The following ATRX variants were observed in gnomAD, a reference collection of about 807,000 sequenced individuals.
The protein encoded by ATRX is ATRX chromatin remodeler.
In ATRX, 12 loss-of-function variants were observed where a neutral mutation model predicts 172.6. The ratio of observed to expected loss-of-function variants is 0.07; its 90% confidence interval spans 0.04 to 0.11. The LOEUF (loss-of-function observed/expected upper bound fraction) is 0.11, where lower values mean the gene tolerates loss of function less well. Among genes scored for constraint, ATRX ranks in the 10% least tolerant of loss-of-function variants. The probability of loss-of-function intolerance (pLI) is 1.00; values close to 1 mark genes in which losing one functional copy is unlikely to be tolerated. For synonymous variants in ATRX, 674 were observed against 594.7 expected (o/e 1.13, Z -1.94); for missense variants, 1,368 against 1,767.4 (o/e 0.77, Z 4.05).
chrX:77,662,373 T>A (rs1557123170), intron 12 of ATRX, among the ~76,000 whole-genome samples: 1 of 112,165 alleles, frequency 8.9e-6, no homozygotes, highest in Non-Finnish European at 1.9e-5. Context: ...TCTGACTATA[T>A]GCCAGTCAAG....
intron 26 of ATRX, among the ~76,000 whole-genome samples, chrX:77,593,439 C>T (rs919755114): frequency 9.1e-6 from 1 of 110,367 alleles, no homozygotes; most frequent in Non-Finnish European, 1.9e-5. Flanking sequence ...CAACTAAGAG[C>T]TCTACCCAAG....
intron 19 of ATRX, among the ~76,000 whole-genome samples, chrX:77,632,307 C>T (rs2068147119): frequency 9.0e-6 from 1 of 110,586 alleles, no homozygotes; most frequent in Non-Finnish European, 1.9e-5. Flanking sequence ...TTGTATTAAA[C>T]AGTTTCAAGG....
chrX:77,593,216 C>G (rs1284134332), intron 26 of ATRX, among the ~76,000 whole-genome samples: 1 of 101,843 alleles, frequency 9.8e-6, no homozygotes, highest in Non-Finnish European at 2.0e-5. Flanking sequence ...AGAGCAAGAC[C>G]CTGTCTCATA....
At chrX:77,543,270 C>T (rs1237169081) in intron 30 of ATRX, among the ~76,000 whole-genome samples, 1 of 111,891 alleles carries the variant, frequency 8.9e-6, no homozygotes, top group Admixed American at 9.5e-5. Flanking sequence ...CCATCTCATG[C>T]CAGTTAGAAT....
intron 22 of ATRX, among the ~76,000 whole-genome samples, chrX:77,612,361 T>C (rs1557094519): frequency 9.1e-6 from 1 of 109,412 alleles, no homozygotes; most frequent in African/African-American, 3.3e-5. Flanking sequence ...AAATTTACTG[T>C]TTTAAATGAG....
intron 1 of ATRX, among the ~76,000 whole-genome samples, chrX:77,780,028 GA>G (rs2076514797): frequency 8.9e-6 from 1 of 111,936 alleles, no homozygotes; most frequent in Non-Finnish European, 1.9e-5. Context: ...TAAAAGGGCA[GA>G]AATATACTGG....
At chrX:77,588,912 C>A (rs1198195547) in intron 27 of ATRX, among the ~76,000 whole-genome samples, 1 of 111,627 alleles carries the variant, frequency 9.0e-6, no homozygotes, top group Non-Finnish European at 1.9e-5. Flanking sequence ...AAATTAAAAT[C>A]ATAAGATACC....
chrX:77,508,059 A>G lies in ATRX; in HGVS notation c.*292T>C. On this transcript the variant is annotated 3_prime_UTR_variant, in exon 35 of 35. Transcript: ENST00000373344. ...TAAAAGCAGGCATAAAAATTTAGAG[A>G]GGAAATCTGTGGAGTTGTTACTATT... 1 of 231,654 alleles carries G rather than the reference A, an allele frequency of 4.3e-6. No homozygotes were observed. Among genetic ancestry groups the G allele is most frequent in the Non-Finnish European group, 7.8e-6 (1 of 128,937 alleles). The allele number at this position is 231,654 out of a possible 1,213,427, so 19.1% of individuals were successfully genotyped here.
intron 1 of ATRX, among the ~76,000 whole-genome samples, chrX:77,721,670 G>C (rs1429409781): frequency 2.7e-5 from 3 of 111,725 alleles, no homozygotes; most frequent in African/African-American, 9.8e-5. Flanking sequence ...GGAAATAAGA[G>C]AGGACTCAAA....
intron 1 of ATRX, among the ~76,000 whole-genome samples, chrX:77,757,575 C>T (rs1053128466): frequency 7.1e-5 from 8 of 112,024 alleles, no homozygotes; most frequent in Non-Finnish European, 1.3e-4. Context: ...AAAAACTCCT[C>T]TAACGCTGGA....
intron 1 of ATRX, among the ~76,000 whole-genome samples, chrX:77,723,684 G>T (rs182679672): frequency 1.8e-5 from 2 of 111,452 alleles, no homozygotes; most frequent in East Asian, 5.6e-4. Flanking sequence ...CTGAGGAAAT[G>T]ATGCTACATG....
intron 1 of ATRX, among the ~76,000 whole-genome samples, chrX:77,747,173 T>G (rs1173260532): frequency 8.9e-6 from 1 of 111,748 alleles, no homozygotes; most frequent in African/African-American, 3.2e-5. Flanking sequence ...AATTCACAAG[T>G]ATCTCTTGCC....
chrX:77,556,858 T>C (rs782775204), intron 30 of ATRX, among the ~76,000 whole-genome samples: 11 of 112,202 alleles, frequency 9.8e-5, no homozygotes, highest in Admixed American at 2.8e-4. Context: ...GTTGGTCAGA[T>C]ATGATTTGAA....
chrX:77,564,368 G>A (rs2065123668), intron 28 of ATRX, among the ~76,000 whole-genome samples: 1 of 110,586 alleles, frequency 9.0e-6, no homozygotes, highest in Non-Finnish European at 1.9e-5. Flanking sequence ...TGAGTTTCAT[G>A]GGCTACCTTT....
At chrX:77,757,592 A>G in intron 1 of ATRX, among the ~76,000 whole-genome samples, 1 of 112,231 alleles carries the variant, frequency 8.9e-6, no homozygotes, top group East Asian at 2.8e-4. Flanking sequence ...TGGAAAAACA[A>G]TGGGTAAGCA....
At chrX:77,514,811 T>A (rs1287521800) in intron 34 of ATRX, among the ~76,000 whole-genome samples, 5 of 112,086 alleles carry the variant, frequency 4.5e-5, no homozygotes, top group Non-Finnish European at 7.5e-5. Context: ...AAGGAAACTA[T>A]CAACAGAGTA....
intron 28 of ATRX, 83 bp downstream of exon 28, chrX:77,574,167 T>C (rs1557069101): frequency 1.4e-6 from 1 of 707,457 alleles, no homozygotes; most frequent in Admixed American, 2.5e-5. Context: ...AACATTCAAA[T>C]ACACAATAAA....
At chrX:77,522,514 C>G in intron 31 of ATRX, 126 bp from the exon 32 acceptor site, 1 of 769,276 alleles carries the variant, frequency 1.3e-6, no homozygotes, top group Admixed American at 2.6e-5. Flanking sequence ...CTTCCACACA[C>G]AAACAAAACA....
intron 30 of ATRX, among the ~76,000 whole-genome samples, chrX:77,533,323 T>C (rs1187130459): frequency 1.8e-5 from 2 of 112,125 alleles, no homozygotes; most frequent in African/African-American, 3.2e-5. Flanking sequence ...GATACATGCA[T>C]GCGTATGTTC....
Sources: allele counts gnomAD v4.1 joint callset (sites outside exome capture counted in the v4.1 genomes callset), GRCh38; gene constraint gnomAD v4.1.1; transcripts MANE v1.5; gene names NCBI Gene and HGNC (gene_info 2026-07-23, HGNC 2026-07-21).